Variants in MYO5A observed in about 807,000 individuals in gnomAD.
MYO5A encodes the protein myosin VA.
Under a neutral mutation model 249.7 loss-of-function variants are expected in MYO5A, and 98 were observed. That is an observed-to-expected ratio of 0.39 (90% confidence interval 0.33 to 0.46). MYO5A has a LOEUF of 0.46. Among genes scored for constraint, MYO5A ranks in the 20% least tolerant of loss-of-function variants. The probability of loss-of-function intolerance (pLI) is 0.98; values close to 1 mark genes in which losing one functional copy is unlikely to be tolerated. For missense variants in MYO5A, 1,696 were observed against 2,308.8 expected (o/e 0.73, Z 5.44); for synonymous variants, 778 against 810.6 (o/e 0.96, Z 0.68).
At chr15:52,418,758 G>A (rs1160083585) in intron 4 of MYO5A, among the ~76,000 whole-genome samples, 1 of 149,064 alleles carries the variant, frequency 6.7e-6, no homozygotes, top group Non-Finnish European at 1.5e-5. Flanking sequence ...GAGAGAGACA[G>A]AGAGAGAGAG....
At chr15:52,363,187 C>G (rs537401455) in intron 24 of MYO5A, among the ~76,000 whole-genome samples, 2 of 152,084 alleles carry the variant, frequency 1.3e-5, no homozygotes, top group South Asian at 4.2e-4. Flanking sequence ...CAAAAACACA[C>G]CAAAGAATGG....
intron 34 of MYO5A, among the ~76,000 whole-genome samples, chr15:52,331,135 G>C (rs1266954166): frequency 6.6e-6 from 1 of 152,120 alleles, no homozygotes; most frequent in Non-Finnish European, 1.5e-5. Flanking sequence ...CTCATTCCCA[G>C]AGAAATCATG....
chr15:52,443,691 G>A (rs1435020528), intron 1 of MYO5A, among the ~76,000 whole-genome samples: 1 of 148,342 alleles, frequency 6.7e-6, no homozygotes, highest in Non-Finnish European at 1.5e-5. Context: ...CTGGGCGACA[G>A]GGCAAGACTC....
At chr15:52,373,693 T>C (rs80035109) in intron 20 of MYO5A, among the ~76,000 whole-genome samples, 1,577 of 152,202 alleles carry the variant, frequency 0.01, 38 homozygotes, top group Non-Finnish European at 9.8e-3. Flanking sequence ...GCTAAACCAG[T>C]GACCTCAAAA....
chr15:52,389,463 TTAAC>T (rs2042117576), intron 12 of MYO5A, 100 bp from the exon 13 acceptor site: 7 of 1,191,510 alleles, frequency 5.9e-6, no homozygotes, highest in Non-Finnish European at 8.3e-6. Flanking sequence ...TTTTTTGGCT[TTAAC>T]TAATAACTTT....
chr15:52,484,928 G>A (rs1240655898), intron 1 of MYO5A, among the ~76,000 whole-genome samples: 1 of 151,784 alleles, frequency 6.6e-6, no homozygotes, highest in Non-Finnish European at 1.5e-5. Context: ...CACCATGTTG[G>A]CCAGGCTGGT....
intron 34 of MYO5A, among the ~76,000 whole-genome samples, chr15:52,332,411 G>A (rs1050630971): frequency 6.6e-6 from 1 of 152,142 alleles, no homozygotes; most frequent in Non-Finnish European, 1.5e-5. Flanking sequence ...CTCAGAATTT[G>A]TGAAATACAA....
At position 52,353,588 on chromosome 15, in the gene MYO5A, C is replaced by T; in HGVS notation, c.3621+17G>A. 1 of 1,611,506 alleles carries T rather than the reference C, an allele frequency of 6.2e-7. No homozygotes were observed. The highest frequency in any genetic ancestry group is 1.7e-5 in the Admixed American group (1 of 60,028). On this transcript the variant is annotated intron_variant, in intron 27 of 41. Transcript: ENST00000399233. ...AAAACAAAATATTCAAAGTCTTGAGCAGAAACTCCCCATTACCTTGAGTGA... is the reference window on the plus strand; with the variant it reads ...AAAACAAAATATTCAAAGTCTTGAGTAGAAACTCCCCATTACCTTGAGTGA...
At chr15:52,513,854 A>T (rs977756042) in intron 1 of MYO5A, among the ~76,000 whole-genome samples, 6 of 152,238 alleles carry the variant, frequency 3.9e-5, no homozygotes, top group African/African-American at 1.4e-4. Flanking sequence ...ACTGCTCCTC[A>T]TAGCATGGGT....
intron 1 of MYO5A, chr15:52,435,739 C>T (rs2075649573): frequency 4.6e-6 from 2 of 433,214 alleles, no homozygotes; most frequent in African/African-American, 2.1e-5. Flanking sequence ...TTAGTCTTGA[C>T]AAGTAAGATT....
At chr15:52,422,187 G>A (rs2043825043) in intron 4 of MYO5A, among the ~76,000 whole-genome samples, 1 of 152,126 alleles carries the variant, frequency 6.6e-6, no homozygotes, top group African/African-American at 2.4e-5. Context: ...TTCTAGGAAG[G>A]TATTTTATGA....
chr15:52,314,347 G>A, intron 40 of MYO5A, 144 bp from the exon 41 acceptor site: 1 of 662,578 alleles, frequency 1.5e-6, no homozygotes, highest in East Asian at 2.7e-5. Context: ...AGGAGGAGCT[G>A]GTCTGCACAT....
intron 25 of MYO5A, among the ~76,000 whole-genome samples, chr15:52,359,686 G>T (rs924244794): frequency 6.6e-6 from 1 of 151,516 alleles, no homozygotes; most frequent in African/African-American, 2.4e-5. Context: ...TCATGTTAGG[G>T]GTAAAGAGAA....
At chr15:52,352,599 G>C (rs1041961471) in intron 27 of MYO5A, among the ~76,000 whole-genome samples, 2 of 152,044 alleles carry the variant, frequency 1.3e-5, no homozygotes, top group Non-Finnish European at 2.9e-5. Context: ...GGCTAACATG[G>C]TGAAACCCCG....
intron 4 of MYO5A, 90 bp from the exon 5 acceptor site, chr15:52,416,391 G>T: frequency 7.1e-7 from 1 of 1,413,044 alleles, no homozygotes; most frequent in Non-Finnish European, 9.8e-7. Context: ...GGAAGTAGGG[G>T]GCTAATTAAT....
intron 25 of MYO5A, among the ~76,000 whole-genome samples, chr15:52,358,962 A>G (rs80325673): frequency 6.6e-6 from 1 of 152,320 alleles, no homozygotes; most frequent in Non-Finnish European, 1.5e-5. Context: ...CCTGGATGGA[A>G]GTCAGTAGAA....
At chr15:52,316,563 A>T (rs920390473) in intron 40 of MYO5A, among the ~76,000 whole-genome samples, 1 of 152,176 alleles carries the variant, frequency 6.6e-6, no homozygotes, top group African/African-American at 2.4e-5. Context: ...TTCCTTATTT[A>T]TTGAAGCATC....
chr15:52,371,568 G>A (rs181029336), intron 21 of MYO5A, among the ~76,000 whole-genome samples: 1 of 152,118 alleles, frequency 6.6e-6, no homozygotes, highest in Non-Finnish European at 1.5e-5. Context: ...ATAAAGGTTT[G>A]AAGCATTAGT....
chr15:52,383,336 C>T, intron 15 of MYO5A, 148 bp from the exon 16 acceptor site: 1 of 713,676 alleles, frequency 1.4e-6, no homozygotes, highest in Admixed American at 2.2e-5. Flanking sequence ...GGAGCTGCCA[C>T]AAAACAAGAA....
Sources: allele counts gnomAD v4.1 joint callset (sites outside exome capture counted in the v4.1 genomes callset), GRCh38; gene constraint gnomAD v4.1.1; transcripts MANE v1.5; gene names NCBI Gene and HGNC (gene_info 2026-07-23, HGNC 2026-07-21).